ANXA7: variants seen among roughly 807,000 people sequenced by gnomAD.
ANXA7 encodes annexin VII.
ANXA7 carries 55 observed loss-of-function variants against 64.9 expected under a neutral mutation model. That is an observed-to-expected ratio of 0.85 (90% CI 0.68 to 1.06). The LOEUF (loss-of-function observed/expected upper bound fraction) is 1.06. Ranked by LOEUF, ANXA7 falls within the 50% of genes least tolerant of loss-of-function variation. The probability of loss-of-function intolerance (pLI) is 0.00; values close to 1 mark genes in which losing one functional copy is unlikely to be tolerated. For missense variants in ANXA7, 548 were observed against 582.1 expected (o/e 0.94, Z 0.60); for synonymous variants, 200 against 192.4 (o/e 1.04, Z -0.33).
At chr10:73,377,182 C>G (rs1017399366) in intron 12 of ANXA7, among the ~76,000 whole-genome samples, 3 of 152,070 alleles carry the variant, frequency 2.0e-5, no homozygotes, top group Non-Finnish European at 4.4e-5. Context: ...TTAAAACATC[C>G]TGCTTTGAAA....
intron 5 of ANXA7, chr10:73,396,086 G>A (rs749075182): frequency 6.3e-7 from 1 of 1,599,792 alleles, no homozygotes; most frequent in Non-Finnish European, 8.6e-7. Flanking sequence ...AAACAGGATA[G>A]GAAGAAAAAG....
At chr10:73,377,752 C>G (rs192175077) in intron 12 of ANXA7, among the ~76,000 whole-genome samples, 2 of 129,598 alleles carry the variant, frequency 1.5e-5, no homozygotes, top group Admixed American at 7.4e-5. Context: ...GCTGGGACTA[C>G]CATGCCGGGG....
Position 73,380,048 on chromosome 10 carries a change from T to C in ANXA7, c.1072A>G (p.Met358Val), listed in dbSNP as rs916719025. The C allele has an allele frequency of 3.7e-6, 6 of 1,614,106 alleles. No homozygotes were observed. The highest frequency in any genetic ancestry group is 5.1e-6 in the Non-Finnish European group (6 of 1,180,020). The change falls in exon 10 of 13, where the codon ATG becomes GTG. Residue 358 changes from methionine (M) to valine (V), a missense_variant. By Grantham distance (21) the Met-to-Val change is conservative (BLOSUM62 1). Transcript: ENST00000372921. The part of the protein sequence containing the change: ...TRSFPQLRAT[M>V]EAYSRMANRD... ...GCTCATACCCTAGAATAAGCCTCCA[T>C]GGTAGCTCTCAGCTGAGGAAAGCTT... is the stretch of plus-strand genomic sequence containing the variant.
intron 9 of ANXA7, 55 bp downstream of exon 9, chr10:73,383,120 A>C (rs1589648078): frequency 6.8e-7 from 1 of 1,481,372 alleles, no homozygotes; most frequent in East Asian, 2.3e-5. Context: ...CACTGGCAAA[A>C]GGCTTTTAAA....
chr10:73,387,257 G>A (rs907247073), intron 7 of ANXA7, among the ~76,000 whole-genome samples: 2 of 152,074 alleles, frequency 1.3e-5, no homozygotes, highest in African/African-American at 4.8e-5. Context: ...GCTCACGCCT[G>A]TAATCCCAGC....
intron 5 of ANXA7, among the ~76,000 whole-genome samples, chr10:73,390,697 T>TATATATATATATATATATATATAAAA (rs2055459855): frequency 3.0e-5 from 4 of 131,280 alleles, no homozygotes; most frequent in Middle Eastern, 3.7e-3. Flanking sequence ...TTGTAAAATA[T>TATATATATATATATATATATATAAAA]ATATATATAT....
intron 12 of ANXA7, chr10:73,377,445 CTG>C (rs1313570891): frequency 6.6e-6 from 1 of 151,704 alleles, no homozygotes; most frequent in East Asian, 1.9e-4. Context: ...TGGCACGCAC[CTG>C]TAATCCCAGC....
intron 1 of ANXA7, among the ~76,000 whole-genome samples, chr10:73,410,259 C>T (rs967776192): frequency 6.6e-6 from 1 of 151,512 alleles, no homozygotes; most frequent in Admixed American, 6.6e-5. Context: ...ACTATGCATC[C>T]AACAAAGGAC....
chr10:73,403,451 G>C (rs1422655855), intron 1 of ANXA7, among the ~76,000 whole-genome samples: 2 of 151,978 alleles, frequency 1.3e-5, no homozygotes, highest in African/African-American at 4.8e-5. Context: ...TCGCACCACT[G>C]TACTCCAGCC....
At chr10:73,410,270 T>C (rs2055818548) in intron 1 of ANXA7, among the ~76,000 whole-genome samples, 3 of 151,888 alleles carry the variant, frequency 2.0e-5, no homozygotes, top group Non-Finnish European at 4.4e-5. Flanking sequence ...AACAAAGGAC[T>C]AGTATCCAGA....
At chr10:73,395,270 A>C (rs1274965171) in intron 5 of ANXA7, among the ~76,000 whole-genome samples, 3 of 152,172 alleles carry the variant, frequency 2.0e-5, no homozygotes, top group African/African-American at 7.2e-5. Flanking sequence ...TGAGCTAAAA[A>C]AATCACTAAG....
At chr10:73,393,780 A>G (rs1004260947) in intron 5 of ANXA7, among the ~76,000 whole-genome samples, 18 of 152,348 alleles carry the variant, frequency 1.2e-4, no homozygotes, top group Admixed American at 9.8e-4. Flanking sequence ...AGGCAATACC[A>G]TTCAGGACAT....
chr10:73,386,950 C>T (rs1290400952), intron 7 of ANXA7, among the ~76,000 whole-genome samples: 2 of 151,884 alleles, frequency 1.3e-5, no homozygotes, highest in Non-Finnish European at 2.9e-5. Flanking sequence ...GCTGGGATTA[C>T]AGGCGTAAGC....
intron 9 of ANXA7, among the ~76,000 whole-genome samples, chr10:73,382,339 T>C (rs1310956842): frequency 1.3e-5 from 2 of 151,984 alleles, no homozygotes; most frequent in African/African-American, 4.8e-5. Flanking sequence ...GCTTCTTTTC[T>C]TTTTTTCTTT....
At chr10:73,411,163 G>A (rs1456581574) in intron 1 of ANXA7, among the ~76,000 whole-genome samples, 1 of 152,084 alleles carries the variant, frequency 6.6e-6, no homozygotes, top group Non-Finnish European at 1.5e-5. Flanking sequence ...GAAGCTGGAG[G>A]CCATTTTTCT....
intron 5 of ANXA7, among the ~76,000 whole-genome samples, chr10:73,393,352 A>G (rs1358363916): frequency 6.6e-6 from 1 of 152,166 alleles, no homozygotes; most frequent in Non-Finnish European, 1.5e-5. Flanking sequence ...GAATTGGAAA[A>G]AACTACTTTA....
Position 73,375,882 on chromosome 10 carries a change from A to G in ANXA7, c.*213T>C, listed in dbSNP as rs1375114385. 1.1e-5 allele frequency: 4 copies of G among 353,342 alleles called. No homozygotes were observed. Among genetic ancestry groups the G allele is most frequent in the Non-Finnish European group, 2.0e-5 (4 of 198,132 alleles). The allele number at this position is 353,342 out of a possible 1,614,324, so 21.9% of individuals were successfully genotyped here. On this transcript the variant is annotated 3_prime_UTR_variant, in exon 13 of 13. Transcript: ENST00000372921. ...ATTGCAATATTACTGTATCATTGTG[A>G]TATGGCTTTACATTGATTGTATGTA...
In ANXA7 at chr10:73,375,451, C is replaced by T. The variant is rs2055155313; in HGVS notation, c.*644G>A. On this transcript the variant is annotated 3_prime_UTR_variant, in exon 13 of 13. Transcript: ENST00000372921. ...CCATATTGTACACCTTAAATATATGCAATTTTTTATTTGTCATAACTCAAT... is the reference window on the plus strand; with the variant it reads ...CCATATTGTACACCTTAAATATATGTAATTTTTTATTTGTCATAACTCAAT... 6.6e-6 allele frequency: 1 copy of T among 151,836 alleles called. No homozygotes were observed. Among genetic ancestry groups the T allele is most frequent in the Non-Finnish European group, 1.5e-5 (1 of 67,970 alleles). The allele number at this position is 151,836 out of a possible 1,614,324, so 9.4% of individuals were successfully genotyped here.
chr10:73,381,785 CCCT>C lies in ANXA7; in HGVS notation c.918+1387_918+1389del, dbSNP rs770210006. Among the ~76,000 whole-genome samples the C allele has an allele frequency of 3.9e-5, 6 of 152,134 alleles. 1 individual carries two copies. In the South Asian group the frequency reaches 1.2e-3, roughly 32 times the overall value. ...GTTTCTTTTAAATCCTAACCTACTG[CCCT>C]CCTGTTACTCTGATTTAGGTAAATT... On this transcript the variant is annotated intron_variant, in intron 9 of 12. Transcript: ENST00000372921.
Sources: allele counts gnomAD v4.1 joint callset (sites outside exome capture counted in the v4.1 genomes callset), GRCh38; gene constraint gnomAD v4.1.1; transcripts MANE v1.5; gene names NCBI Gene and HGNC (gene_info 2026-07-23, HGNC 2026-07-21).